The following CHODL variants were observed in gnomAD, a reference collection of about 807,000 sequenced individuals.
CHODL encodes the protein chondrolectin.
In CHODL, 29 loss-of-function variants were observed where a neutral mutation model predicts 34.5. The observed-to-expected ratio is 0.84, with a 90% CI of 0.63 to 1.15. The LOEUF (loss-of-function observed/expected upper bound fraction) is 1.15. Ranked by LOEUF, CHODL falls within the 50% of genes most tolerant of loss-of-function variation. CHODL has a pLI of 0.00. For synonymous variants in CHODL, 125 were observed against 116.1 expected (o/e 1.08, Z -0.49); for missense variants, 332 against 332.5 (o/e 1.00, Z 0.01).
intron 2 of CHODL, among the ~76,000 whole-genome samples, chr21:18,117,821 G>T (rs570423768): frequency 1.3e-5 from 2 of 152,158 alleles, no homozygotes; most frequent in South Asian, 4.2e-4. Context: ...CTTGATAAAG[G>T]TGAATTGTTT....
intron 2 of CHODL, among the ~76,000 whole-genome samples, chr21:18,202,957 A>G (rs1272934757): frequency 6.6e-6 from 1 of 152,194 alleles, no homozygotes; most frequent in African/African-American, 2.4e-5. Flanking sequence ...TAAAAGGAAG[A>G]TCCATCTCGA....
At chr21:18,262,013 A>T (rs1032978236) in intron 4 of CHODL, among the ~76,000 whole-genome samples, 3 of 151,836 alleles carry the variant, frequency 2.0e-5, no homozygotes, top group African/African-American at 7.3e-5. Flanking sequence ...ATTTACAATA[A>T]TCTTAATAAT....
intron 2 of CHODL, among the ~76,000 whole-genome samples, chr21:18,133,083 T>TAA (rs139879297): frequency 3.3e-5 from 5 of 151,256 alleles, no homozygotes; most frequent in Non-Finnish European, 5.9e-5. Context: ...TCCATAATAA[T>TAA]AAAAAAAAAG....
intron 2 of CHODL, among the ~76,000 whole-genome samples, chr21:18,060,988 T>C (rs529123235): frequency 1.3e-5 from 2 of 152,296 alleles, no homozygotes; most frequent in Non-Finnish European, 2.9e-5. Context: ...CAGCGTTGTA[T>C]TTCCCACAGT....
chr21:17,968,188 C>T (rs2063587807), intron 1 of CHODL, among the ~76,000 whole-genome samples: 1 of 152,182 alleles, frequency 6.6e-6, no homozygotes, highest in Non-Finnish European at 1.5e-5. Context: ...ATAGGGCCTC[C>T]TCCTCCATAG....
intron 2 of CHODL, among the ~76,000 whole-genome samples, chr21:18,091,943 C>A (rs980409249): frequency 3.8e-4 from 58 of 152,116 alleles, no homozygotes; most frequent in African/African-American, 1.3e-3. Context: ...TAGAATAGAG[C>A]AACTGGTAAA....
chr21:17,990,361 G>GT (rs1443128500), intron 1 of CHODL, among the ~76,000 whole-genome samples: 1 of 151,996 alleles, frequency 6.6e-6, no homozygotes, highest in African/African-American at 2.4e-5. Flanking sequence ...GAGAACCACA[G>GT]TAAGTTTCAT....
In CHODL at chr21:18,266,803, A is replaced by G. The variant is rs1051658819; in HGVS notation, c.*765A>G. 6 of 152,774 alleles carry G rather than the reference A, an allele frequency of 3.9e-5. No individual in the cohort carries two copies. The highest frequency in any genetic ancestry group is 8.8e-5 in the Non-Finnish European group (6 of 68,164). 9.5% of individuals were successfully genotyped at this position (152,774 alleles called of 1,614,324 possible). A position where few individuals can be genotyped will look rare whatever the true frequency, so the allele number is the denominator to read the frequency against. On this transcript the variant is annotated 3_prime_UTR_variant, in exon 6 of 6. Coordinates refer to ENST00000299295, the MANE Select transcript of CHODL (RefSeq NM_024944.3). ...ATTAAACAGATTTTGTAATAATGTA[A>G]CTTTGTTAATAGGTGCATAAACACT... is the stretch of plus-strand genomic sequence containing the variant.
At chr21:18,234,609 C>T (rs993699469) in intron 2 of CHODL, among the ~76,000 whole-genome samples, 7 of 152,048 alleles carry the variant, frequency 4.6e-5, no homozygotes, top group Non-Finnish European at 1.0e-4. Context: ...AGGGAACAAT[C>T]CACCCCTTTA....
intron 2 of CHODL, among the ~76,000 whole-genome samples, chr21:18,153,297 G>T (rs1415931714): frequency 6.6e-6 from 1 of 152,152 alleles, no homozygotes; most frequent in African/African-American, 2.4e-5. Context: ...GCAGGATTCC[G>T]TTCCATGTGA....
intron 2 of CHODL, among the ~76,000 whole-genome samples, chr21:18,213,017 G>A (rs890418892): frequency 1.3e-5 from 2 of 152,132 alleles, no homozygotes; most frequent in African/African-American, 4.8e-5. Flanking sequence ...AACACTAATA[G>A]AGATGGAGAT....
rs765673756 is a variant in CHODL, at chr21:18,005,177, T to C, written c.-144-22695T>C. ...GGCCAGATCCTCTGGGTTCTAACCC[T>C]GGGCTCTGCCACTTCCTTGCACCAT... On this transcript the variant is annotated intron_variant, in intron 1 of 6. Coordinates refer to the CHODL transcript ENST00000400127. 7.2e-5 allele frequency among the ~76,000 whole-genome samples: 11 copies of C among 152,356 alleles called. No homozygotes were observed. The East Asian group carries it at 2.1e-3, about 29-fold the overall frequency.
At chr21:18,251,367 T>G (rs1314192644) in intron 1 of CHODL, among the ~76,000 whole-genome samples, 1 of 145,632 alleles carries the variant, frequency 6.9e-6, no homozygotes, top group Non-Finnish European at 1.5e-5. Context: ...TTCTTTTATA[T>G]AAAATAAATG....
At chr21:18,141,098 G>T (rs1295955808) in intron 2 of CHODL, among the ~76,000 whole-genome samples, 1 of 151,926 alleles carries the variant, frequency 6.6e-6, no homozygotes, top group African/African-American at 2.4e-5. Context: ...GTAGATAAAT[G>T]CATCAAGCAT....
chr21:17,927,598 T>C (rs1056473341), intron 1 of CHODL, among the ~76,000 whole-genome samples: 2 of 152,196 alleles, frequency 1.3e-5, no homozygotes, highest in African/African-American at 4.8e-5. Flanking sequence ...GGGCTCCTGC[T>C]TTCATTTTAA....
chr21:18,249,087 TAA>T (rs1449667591), intron 1 of CHODL, among the ~76,000 whole-genome samples: 40 of 123,308 alleles, frequency 3.2e-4, no homozygotes, highest in African/African-American at 1.1e-3. Context: ...ATATATATAA[TAA>T]AATATATATA....
At chr21:18,006,597 T>A (rs1021681008) in intron 1 of CHODL, among the ~76,000 whole-genome samples, 1 of 152,260 alleles carries the variant, frequency 6.6e-6, no homozygotes, top group Non-Finnish European at 1.5e-5. Context: ...GTGATGTAAG[T>A]ATTATTCTAA....
intron 1 of CHODL, among the ~76,000 whole-genome samples, chr21:18,021,932 T>C (rs1047335479): frequency 6.6e-6 from 1 of 152,168 alleles, no homozygotes; most frequent in East Asian, 1.9e-4. Context: ...AAAAGGTAAC[T>C]CCTAACATGA....
At chr21:18,064,827 A>G (rs1304412404) in intron 2 of CHODL, among the ~76,000 whole-genome samples, 4 of 152,148 alleles carry the variant, frequency 2.6e-5, no homozygotes, top group African/African-American at 4.8e-5. Flanking sequence ...TGTATCTCCT[A>G]TAGGTTCTGT....
Sources: allele counts gnomAD v4.1 joint callset (sites outside exome capture counted in the v4.1 genomes callset), GRCh38; gene constraint gnomAD v4.1.1; transcripts MANE v1.5; gene names NCBI Gene and HGNC (gene_info 2026-07-23, HGNC 2026-07-21).